UTP25: variants seen among roughly 807,000 people sequenced by gnomAD.
UTP25 encodes UTP25 small subunit processome component, also known as U3 small nucleolar RNA-associated protein 25 homolog.
UTP25 carries 50 observed loss-of-function variants against 78.9 expected under a neutral mutation model. The ratio of observed to expected loss-of-function variants is 0.63; its 90% CI spans 0.50 to 0.80. UTP25 has a LOEUF of 0.80. Ranked by LOEUF, UTP25 falls within the 30% of genes least tolerant of loss-of-function variation. The pLI is 0.00. For synonymous variants in UTP25, 329 were observed against 336.5 expected (o/e 0.98, Z 0.24); for missense variants, 846 against 911.3 (o/e 0.93, Z 0.92).
chr1:209,835,508 C>T (rs2078128352), intron 5 of UTP25, among the ~76,000 whole-genome samples: 1 of 152,164 alleles, frequency 6.6e-6, no homozygotes, highest in South Asian at 2.1e-4. Context: ...TAATACCTAT[C>T]TCAAAATAGA....
chr1:209,829,749 G>A (rs2078092724), intron 1 of UTP25, among the ~76,000 whole-genome samples: 2 of 152,142 alleles, frequency 1.3e-5, no homozygotes, highest in Admixed American at 1.3e-4. Context: ...GCCTCCTAAA[G>A]TGCTGGGATT....
chr1:209,833,130 A>G, intron 3 of UTP25, 55 bp from the exon 4 acceptor site: 2 of 1,527,614 alleles, frequency 1.3e-6, no homozygotes, highest in Admixed American at 2.0e-5. Context: ...AATTTTGTCA[A>G]CAGAAGTATA....
Position 209,854,219 on chromosome 1 carries a change from A to G in UTP25, c.*2772A>G, listed in dbSNP as rs2102586858. On this transcript the variant is annotated 3_prime_UTR_variant, in exon 12 of 12. Transcript: ENST00000491415. ...ACAAAGGATGGTCCCAATCCTGGAA[A>G]CAGTGGAATTAAAAGGTATGGAAAG... is the stretch of plus-strand genomic sequence containing the variant. 6.6e-6 allele frequency: 1 copy of G among 152,348 alleles called. No individual in the cohort carries two copies. The highest frequency in any genetic ancestry group is 2.1e-4 in the South Asian group (1 of 4,832). The allele number at this position is 152,348 out of a possible 1,614,324, so 9.4% of individuals were successfully genotyped here.
rs933113737 is a variant in UTP25, at chr1:209,853,588, C to T, written c.*2141C>T. 6.6e-6 allele frequency: 1 copy of T among 152,238 alleles called. No individual in the cohort carries two copies. Among genetic ancestry groups the T allele is most frequent in the Admixed American group, 6.5e-5 (1 of 15,274 alleles). The allele number at this position is 152,238 out of a possible 1,614,324, so 9.4% of individuals were successfully genotyped here. A position where few individuals can be genotyped will look rare whatever the true frequency, so the allele number is the denominator to read the frequency against. On this transcript the variant is annotated 3_prime_UTR_variant, in exon 12 of 12. Coordinates refer to ENST00000491415, the MANE Select transcript of UTP25 (RefSeq NM_014388.7). ...GGCCAGGCTGGTCTCAAACTCTTGA[C>T]CTCAAGTGATCTGCCCACCTCAGCC...
intron 10 of UTP25, 93 bp from the exon 11 acceptor site, chr1:209,843,358 C>A: frequency 6.8e-7 from 1 of 1,468,318 alleles, no homozygotes; most frequent in Non-Finnish European, 9.1e-7. Flanking sequence ...AATCTTTTAA[C>A]ACGAGATTGT....
At chr1:209,836,741 T>C (rs756858660) in intron 5 of UTP25, 60 bp from the exon 6 acceptor site, 3 of 1,519,776 alleles carry the variant, frequency 2.0e-6, no homozygotes, top group African/African-American at 1.4e-5. Context: ...TATAGTACTA[T>C]GTGAATGTAA....
chr1:209,834,999 AT>A, intron 4 of UTP25, 75 bp from the exon 5 acceptor site: 1 of 1,134,030 alleles, frequency 8.8e-7, no homozygotes, highest in South Asian at 1.3e-5. Flanking sequence ...GAAGATCAAC[AT>A]GTCTTTCACA....
chr1:209,836,832 C>T lies in UTP25; in HGVS notation c.683C>T (p.Ser228Phe), dbSNP rs141256304. ...ATTCTGGGCCAGCTTTTCTTTTCCT[C>T]TAAGTTTCAGAAGTTGGAAACATTT... is the stretch of plus-strand genomic sequence containing the variant. The part of the protein sequence containing the change: ...WPILGQLFFS[S>F]KFQKLETFKP... Residue 228 changes from serine to phenylalanine, a missense_variant, in exon 6 of 12, where the codon TCT (serine) becomes TTT (phenylalanine). By Grantham distance (155) the Ser-to-Phe change is radical. Transcript: ENST00000491415. The T allele has an allele frequency of 2.5e-6, 4 of 1,609,550 alleles. No homozygotes were observed. The highest frequency in any genetic ancestry group is 4.5e-5 in the East Asian group (2 of 44,852).
intron 1 of UTP25, among the ~76,000 whole-genome samples, chr1:209,829,557 C>T (rs1390187847): frequency 1.3e-5 from 2 of 151,552 alleles, no homozygotes; most frequent in Non-Finnish European, 2.9e-5. Flanking sequence ...AATCCTGGCT[C>T]ACTGCAGCCA....
At chr1:209,845,755 C>T (rs1195167976) in intron 11 of UTP25, among the ~76,000 whole-genome samples, 2 of 150,340 alleles carry the variant, frequency 1.3e-5, no homozygotes, top group Non-Finnish European at 2.9e-5. Flanking sequence ...ATTTTTTGCT[C>T]GAGAGATCAC....
rs1454629292 is a variant in UTP25 at position 209,833,255 on chromosome 1, C to A, written c.459C>A (p.Ser153=). The A allele has an allele frequency of 1.9e-6, 3 of 1,613,218 alleles. No homozygotes were observed. The Admixed American group carries it at 5.0e-5, about 27-fold the overall frequency. ...GEEPPGTSQT[S]PEEFTDAKHE... is the part of the protein sequence containing the mutation. ...AGCCACCGGGCACATCACAAACATCCCCCGAAGAGTTCACAGATGCAAAAC... is the reference window on the plus strand; with the variant it reads ...AGCCACCGGGCACATCACAAACATCACCCGAAGAGTTCACAGATGCAAAAC... The change falls in exon 4 of 12, where the codon TCC becomes TCA. Residue 153 remains serine, a synonymous_variant. Coordinates refer to ENST00000491415, the MANE Select transcript of UTP25 (RefSeq NM_014388.7).
At chr1:209,831,289 ACCT>A (rs917104376) in intron 3 of UTP25, among the ~76,000 whole-genome samples, 4 of 152,078 alleles carry the variant, frequency 2.6e-5, no homozygotes, top group African/African-American at 9.7e-5. Context: ...CTAGTGAAAG[ACCT>A]CCTAATACAG....
At position 209,842,480 on chromosome 1, in the gene UTP25, A is replaced by G. The variant is rs544342504; in HGVS notation, c.1668+33A>G. On this transcript the variant is annotated intron_variant, in intron 9 of 11. Coordinates refer to ENST00000491415, the MANE Select transcript of UTP25 (RefSeq NM_014388.7). ...CTCGTCTTGTTTCCTCAGTATCTTC[A>G]TGAGCACTGTTTATTGTTTGGGTCC... 4.3e-6 allele frequency: 7 copies of G among 1,613,686 alleles called. No individual in the cohort carries two copies. The East Asian group carries it at 8.9e-5, about 21-fold the overall frequency.
At position 209,833,393 on chromosome 1, in the gene UTP25, G is replaced by C. The variant is rs756834369; in HGVS notation, c.562+35G>C. On this transcript the variant is annotated intron_variant, in intron 4 of 11. Transcript: ENST00000491415. ...CAGTGTGTGTTATTTGAATTCACCAGGTGCTTAGTATGGAATTTGTGTACT... is the reference window on the plus strand; with the variant it reads ...CAGTGTGTGTTATTTGAATTCACCACGTGCTTAGTATGGAATTTGTGTACT... 15 of 1,487,522 alleles carry C rather than the reference G, an allele frequency of 1.0e-5. No individual in the cohort carries two copies. In the South Asian group the frequency reaches 2.0e-4, roughly 19 times the overall value. 92.1% of individuals were successfully genotyped at this position (1,487,522 alleles called of 1,614,324 possible). A position where few individuals can be genotyped will look rare whatever the true frequency, so the allele number is the denominator to read the frequency against.
chr1:209,849,864 C>T (rs925968014), intron 11 of UTP25, among the ~76,000 whole-genome samples: 4 of 152,202 alleles, frequency 2.6e-5, no homozygotes, highest in African/African-American at 9.7e-5. Context: ...TTCCTGTGTC[C>T]CGTTTTTCCT....
At position 209,857,208 on chromosome 1, in the gene UTP25, A is replaced by G. The variant is rs1041751762; in HGVS notation, c.*5761A>G. 5 of 152,090 alleles carry G rather than the reference A, an allele frequency of 3.3e-5. No homozygotes were observed. The highest frequency in any genetic ancestry group is 1.2e-4 in the African/African-American group (5 of 41,390). The allele number at this position is 152,090 out of a possible 1,614,324, so 9.4% of individuals were successfully genotyped here. On this transcript the variant is annotated 3_prime_UTR_variant, in exon 12 of 12. Transcript: ENST00000491415. ...AAACACTGTGAAACTTTTATCCATCAGTCCTGTTTCTGAAGCTGTACGGTA... is the reference window on the plus strand; with the variant it reads ...AAACACTGTGAAACTTTTATCCATCGGTCCTGTTTCTGAAGCTGTACGGTA...
At chr1:209,831,279 C>T (rs187787217) in intron 3 of UTP25, among the ~76,000 whole-genome samples, 8 of 152,312 alleles carry the variant, frequency 5.3e-5, no homozygotes, top group Admixed American at 5.2e-4. Context: ...TTCATCAGTA[C>T]TAGTGAAAGA....
chr1:209,830,560 A>G (rs760717760), intron 2 of UTP25, among the ~76,000 whole-genome samples: 17 of 151,808 alleles, frequency 1.1e-4, no homozygotes, highest in Non-Finnish European at 2.4e-4. Flanking sequence ...CTGTTGTTCT[A>G]TTAAACCTGT....
intron 11 of UTP25, among the ~76,000 whole-genome samples, chr1:209,848,488 G>C (rs1422712469): frequency 7.9e-5 from 12 of 152,004 alleles, no homozygotes; most frequent in Non-Finnish European, 1.5e-4. Flanking sequence ...GTTTTCTGCT[G>C]TTGTATATAA....
Sources: gnomAD v4.1 joint callset for allele counts (sites outside exome capture counted in the v4.1 genomes callset) on GRCh38, gnomAD v4.1.1 for gene constraint, MANE v1.5 for transcripts, NCBI Gene and HGNC (gene_info 2026-07-23, HGNC 2026-07-21) for gene names.